Variants in MYO3B observed in about 807,000 individuals in gnomAD.
The protein encoded by MYO3B is myosin-IIIb.
A neutral mutation model predicts 174.6 loss-of-function variants in MYO3B; 156 were observed. The ratio of observed to expected loss-of-function variants is 0.89; its 90% CI spans 0.78 to 1.02. MYO3B has a LOEUF of 1.02. Ranked by LOEUF, MYO3B falls within the 50% of genes least tolerant of loss-of-function variation. The pLI is 0.00. For missense variants in MYO3B, 1,632 were observed against 1,639.4 expected (o/e 1.00, Z 0.08); for synonymous variants, 563 against 569.1 (o/e 0.99, Z 0.15).
intron 32 of MYO3B, among the ~76,000 whole-genome samples, chr2:170,622,118 TA>T (rs1695973647): frequency 6.6e-6 from 1 of 152,212 alleles, no homozygotes; most frequent in Non-Finnish European, 1.5e-5. Flanking sequence ...ATCCTTTACT[TA>T]TATAGTTCTA....
Position 170,217,311 on chromosome 2 carries a change from C to T in MYO3B, c.527-8C>T, listed in dbSNP as rs908098393. 6.2e-7 allele frequency: 1 copy of T among 1,613,384 alleles called. No individual in the cohort carries two copies. The highest frequency in any genetic ancestry group is 1.1e-5 in the South Asian group (1 of 91,066). On this transcript the variant is annotated splice_polypyrimidine_tract_variant and splice_region_variant and intron_variant, in intron 5 of 34. Transcript: ENST00000408978. ...TCACTTTTGAATTCTGATACTCTTT[C>T]CTTATAGGTGTTTCAGCTCAACTCA... is the stretch of plus-strand genomic sequence containing the variant.
In MYO3B at chr2:170,501,775, A is replaced by G. The variant is rs372758340; in HGVS notation, c.3290-10A>G. ...AATGTCATTCCTAGCACATGGTTTT[A>G]TATTTTTAGCCTGGAGAGGATATGA... On this transcript the variant is annotated splice_polypyrimidine_tract_variant and intron_variant, in intron 27 of 34. Coordinates refer to ENST00000408978, the MANE Select transcript of MYO3B (RefSeq NM_138995.5). 1.9e-6 allele frequency: 3 copies of G among 1,591,604 alleles called. No individual in the cohort carries two copies. The highest frequency in any genetic ancestry group is 4.5e-5 in the East Asian group (2 of 44,756).
chr2:170,504,109 T>A (rs7562747), intron 28 of MYO3B, among the ~76,000 whole-genome samples: 1 of 152,208 alleles, frequency 6.6e-6, no homozygotes, highest in Non-Finnish European at 1.5e-5. Flanking sequence ...GGACATTTCC[T>A]AGTAGAACCA....
At chr2:170,320,533 G>A (rs2093817851) in intron 7 of MYO3B, among the ~76,000 whole-genome samples, 1 of 152,120 alleles carries the variant, frequency 6.6e-6, no homozygotes, top group African/African-American at 2.4e-5. Context: ...AACAGTGTAT[G>A]TTTTTGTGAA....
At chr2:170,573,534 AAAT>A (rs904988506) in intron 32 of MYO3B, among the ~76,000 whole-genome samples, 1 of 152,134 alleles carries the variant, frequency 6.6e-6, no homozygotes, top group Non-Finnish European at 1.5e-5. Context: ...TTAACCTTAT[AAAT>A]AATCAGAAAT....
At chr2:170,237,616 T>G (rs1029257570) in intron 7 of MYO3B, among the ~76,000 whole-genome samples, 2 of 152,146 alleles carry the variant, frequency 1.3e-5, no homozygotes, top group African/African-American at 4.8e-5. Context: ...CCAGCCAAGC[T>G]TCTTCTAATA....
At chr2:170,523,919 T>C (rs1322341606) in intron 30 of MYO3B, among the ~76,000 whole-genome samples, 1 of 152,090 alleles carries the variant, frequency 6.6e-6, no homozygotes, top group Non-Finnish European at 1.5e-5. Context: ...CAAAGGAGGT[T>C]GAGAGATTAG....
chr2:170,426,336 C>T (rs913051334), intron 22 of MYO3B, among the ~76,000 whole-genome samples: 2 of 148,304 alleles, frequency 1.3e-5, no homozygotes, highest in African/African-American at 4.9e-5. Flanking sequence ...AAGACCTCAT[C>T]GCTTTTTTTT....
chr2:170,511,673 G>A (rs552261203), intron 28 of MYO3B, among the ~76,000 whole-genome samples: 3 of 152,300 alleles, frequency 2.0e-5, no homozygotes, highest in Admixed American at 2.0e-4. Context: ...CTTATTTGCT[G>A]TCGTTCCTTC....
At chr2:170,448,959 T>C (rs147492012) in intron 23 of MYO3B, among the ~76,000 whole-genome samples, 105 of 152,362 alleles carry the variant, frequency 6.9e-4, no homozygotes, top group African/African-American at 2.4e-3. Context: ...TAGGATCTTT[T>C]AAAATTGGCT....
At chr2:170,346,668 A>C (rs932255855) in intron 8 of MYO3B, among the ~76,000 whole-genome samples, 1 of 152,220 alleles carries the variant, frequency 6.6e-6, no homozygotes, top group Non-Finnish European at 1.5e-5. Flanking sequence ...AAAGTGGGGA[A>C]TTTCTGTAAT....
At chr2:170,265,355 T>C (rs1390958355) in intron 7 of MYO3B, among the ~76,000 whole-genome samples, 1 of 152,272 alleles carries the variant, frequency 6.6e-6, no homozygotes, top group Non-Finnish European at 1.5e-5. Context: ...GAAAGCACTC[T>C]TTTATATAAC....
intron 32 of MYO3B, among the ~76,000 whole-genome samples, chr2:170,608,667 AAGAGAG>A (rs1013444433): frequency 6.7e-6 from 1 of 150,360 alleles, no homozygotes; most frequent in Admixed American, 6.6e-5. Context: ...TTCAAGCCCA[AAGAGAG>A]AGAGAGAGAG....
intron 32 of MYO3B, among the ~76,000 whole-genome samples, chr2:170,595,481 C>T (rs1472558628): frequency 6.6e-6 from 1 of 152,166 alleles, no homozygotes; most frequent in Non-Finnish European, 1.5e-5. Context: ...CTCTGTTACT[C>T]AGGCTGGAGT....
At chr2:170,252,901 CA>C (rs1162483584) in intron 7 of MYO3B, among the ~76,000 whole-genome samples, 1 of 152,074 alleles carries the variant, frequency 6.6e-6, no homozygotes, top group African/African-American at 2.4e-5. Flanking sequence ...GCAAGGAGAC[CA>C]AGGCAGCTGG....
chr2:170,644,145 A>T (rs1698192192), intron 32 of MYO3B, among the ~76,000 whole-genome samples: 1 of 152,244 alleles, frequency 6.6e-6, no homozygotes, highest in Non-Finnish European at 1.5e-5. Context: ...GCCAGATTTA[A>T]CAAATAGAAA....
chr2:170,463,781 C>G (rs1358175834), intron 24 of MYO3B, among the ~76,000 whole-genome samples: 2 of 152,156 alleles, frequency 1.3e-5, no homozygotes, highest in African/African-American at 4.8e-5. Context: ...TTAGCATTGA[C>G]TTTATTTTCC....
intron 25 of MYO3B, among the ~76,000 whole-genome samples, chr2:170,481,357 G>A (rs1685679106): frequency 6.6e-6 from 1 of 152,134 alleles, no homozygotes; most frequent in Non-Finnish European, 1.5e-5. Context: ...GGCCAAGGTG[G>A]GTGGATCACT....
intron 32 of MYO3B, among the ~76,000 whole-genome samples, chr2:170,620,729 A>C (rs1695839983): frequency 6.6e-6 from 1 of 152,282 alleles, no homozygotes; most frequent in East Asian, 1.9e-4. Flanking sequence ...AAGAACCCTG[A>C]GCTTAGGAAC....
Sources: allele counts gnomAD v4.1 joint callset (sites outside exome capture counted in the v4.1 genomes callset), GRCh38; gene constraint gnomAD v4.1.1; transcripts MANE v1.5; gene names NCBI Gene and HGNC (gene_info 2026-07-23, HGNC 2026-07-21).